DNAAF10: variants seen among roughly 807,000 people sequenced by gnomAD.
DNAAF10 encodes the protein WD repeat domain 92.
Under a neutral mutation model 43.7 loss-of-function variants are expected in DNAAF10, and 28 were observed. The observed-to-expected ratio is 0.64, with a 90% CI of 0.48 to 0.88. DNAAF10 has a LOEUF of 0.88. Ranked by LOEUF, DNAAF10 falls within the 40% of genes least tolerant of loss-of-function variation. DNAAF10 has a pLI of 0.00. For missense variants in DNAAF10, 403 were observed against 439.1 expected (o/e 0.92, Z 0.73); for synonymous variants, 156 against 157.3 (o/e 0.99, Z 0.06).
At chr2:68,141,839 G>T in intron 3 of DNAAF10, 44 bp from the exon 4 acceptor site, 1 of 1,490,626 alleles carries the variant, frequency 6.7e-7, no homozygotes, top group Middle Eastern at 1.7e-4. Flanking sequence ...AAAAGTAAAT[G>T]ATTATGTTTC....
chr2:68,147,368 G>T, intron 2 of DNAAF10, 99 bp downstream of exon 2: 1 of 873,634 alleles, frequency 1.1e-6, no homozygotes, highest in East Asian at 2.7e-5. Flanking sequence ...AACATAGAAA[G>T]ATTTTAAAAT....
intron 1 of DNAAF10, among the ~76,000 whole-genome samples, chr2:68,153,345 T>TAAAAAAAA (rs775794947): frequency 2.3e-4 from 23 of 98,704 alleles, no homozygotes; most frequent in Non-Finnish European, 3.1e-4. Flanking sequence ...AGTGATAAAT[T>TAAAAAAAA]AAAAAAAAAA....
Position 68,130,575 on chromosome 2 carries a change from T to C in DNAAF10, c.*663A>G, listed in dbSNP as rs1672908450. On this transcript the variant is annotated 3_prime_UTR_variant, in exon 8 of 8. Coordinates refer to ENST00000295121, the MANE Select transcript of DNAAF10 (RefSeq NM_138458.4). ...TGAAATGATTCCCACCACAACATTA[T>C]AGACACTAAAACATAACACAAGCAT... is the stretch of plus-strand genomic sequence containing the variant. 6.6e-6 allele frequency: 1 copy of C among 152,668 alleles called. No individual in the cohort carries two copies. Among genetic ancestry groups the C allele is most frequent in the South Asian group, 2.1e-4 (1 of 4,836 alleles). The allele number at this position is 152,668 out of a possible 1,614,324, so 9.5% of individuals were successfully genotyped here.
chr2:68,143,383 A>G (rs1673238039), intron 3 of DNAAF10, among the ~76,000 whole-genome samples: 1 of 152,068 alleles, frequency 6.6e-6, no homozygotes, highest in Non-Finnish European at 1.5e-5. Flanking sequence ...GGGTTTCGCT[A>G]TGTTGCCCAG....
Position 68,129,919 on chromosome 2 carries a change from T to C in DNAAF10, c.*1319A>G, listed in dbSNP as rs1473383803. The stretch of plus-strand genomic sequence containing the variant: ...TGCATTTTTAAAGTATGACCAAAAA[T>C]AAGACTACAAAACCCCTACAATCTT... On this transcript the variant is annotated 3_prime_UTR_variant, in exon 8 of 8. Coordinates refer to ENST00000295121, the MANE Select transcript of DNAAF10 (RefSeq NM_138458.4). 6.6e-6 allele frequency: 1 copy of C among 151,840 alleles called. No individual in the cohort carries two copies. The highest frequency in any genetic ancestry group is 1.5e-5 in the Non-Finnish European group (1 of 67,958). 9.4% of individuals were successfully genotyped at this position (151,840 alleles called of 1,614,324 possible).
At chr2:68,146,128 G>C (rs1444714074) in intron 2 of DNAAF10, among the ~76,000 whole-genome samples, 3 of 152,130 alleles carry the variant, frequency 2.0e-5, no homozygotes, top group Admixed American at 6.6e-5. Context: ...CAGGCGTGGT[G>C]GTGGGCACCT....
chr2:68,137,792 G>A lies in DNAAF10; in HGVS notation c.634-359C>T, dbSNP rs1215988624. Among the ~76,000 whole-genome samples the A allele has an allele frequency of 8.6e-5, 13 of 151,774 alleles. 1 individual carries two copies. In the South Asian group the frequency reaches 1.7e-3, roughly 19 times the overall value. On this transcript the variant is annotated intron_variant, in intron 5 of 7. Coordinates refer to ENST00000295121, the MANE Select transcript of DNAAF10 (RefSeq NM_138458.4). Reference sequence around the variant, plus strand: ...TGAGGCAGGAGAATTGCTTGAACCCGGGAGGCAGAGGTTGCAGTGAGCTAA... The same window carrying A: ...TGAGGCAGGAGAATTGCTTGAACCCAGGAGGCAGAGGTTGCAGTGAGCTAA...
chr2:68,137,097 ATTATAATC>A (rs1673061070), intron 6 of DNAAF10, among the ~76,000 whole-genome samples, 194 bp downstream of exon 6: 1 of 152,194 alleles, frequency 6.6e-6, no homozygotes, highest in Non-Finnish European at 1.5e-5. Context: ...TGAGATCTTT[ATTATAATC>A]AAGAAGTCTA....
intron 4 of DNAAF10, among the ~76,000 whole-genome samples, chr2:68,140,811 C>G (rs1673159112): frequency 6.6e-6 from 1 of 152,086 alleles, no homozygotes. Flanking sequence ...TATAGGCAAC[C>G]AACAATGGAT....
At position 68,157,453 on chromosome 2, in the gene DNAAF10, A is replaced by T. The variant is rs778553856; in HGVS notation, c.-10T>A. On this transcript the variant is annotated 5_prime_UTR_variant, in exon 1 of 8. Coordinates refer to ENST00000295121, the MANE Select transcript of DNAAF10 (RefSeq NM_138458.4). ...TCTCGAAGGCCGACATGGTGCAGCC[A>T]ATTTCAGCTACGGCAACCGCCACAC... 2 of 1,614,096 alleles carry T rather than the reference A, an allele frequency of 1.2e-6. No homozygotes were observed. The highest frequency in any genetic ancestry group is 2.2e-5 in the South Asian group (2 of 91,082).
Position 68,137,321 on chromosome 2 carries a change from C to A in DNAAF10, c.746G>T (p.Gly249Val). The A allele has an allele frequency of 6.2e-7, 1 of 1,611,272 alleles. No individual in the cohort carries two copies. The highest frequency in any genetic ancestry group is 8.5e-7 in the Non-Finnish European group (1 of 1,178,912). Residue 249 changes from glycine to valine, a missense_variant, in exon 6 of 8, where the codon GGT becomes GTT. Coordinates refer to ENST00000295121, the MANE Select transcript of DNAAF10 (RefSeq NM_138458.4). ...FDMRTQHPTKGFASVSEKAHK... is the reference protein window; with the variant it reads ...FDMRTQHPTKVFASVSEKAHK... ...TACCTTTTCTGAAACAGAGGCAAAACCTTTGGTTGGATGCTGTGTTCTCAT... is the reference window on the plus strand; with the variant it reads ...TACCTTTTCTGAAACAGAGGCAAAAACTTTGGTTGGATGCTGTGTTCTCAT...
chr2:68,149,846 T>C (rs759542969), intron 1 of DNAAF10, among the ~76,000 whole-genome samples: 22 of 152,212 alleles, frequency 1.4e-4, no homozygotes, highest in Non-Finnish European at 2.5e-4. Context: ...TTCCATGTTC[T>C]GAGGCAGAGG....
intron 2 of DNAAF10, among the ~76,000 whole-genome samples, chr2:68,145,108 G>GA (rs1347885573): frequency 6.6e-6 from 1 of 151,578 alleles, no homozygotes; most frequent in Non-Finnish European, 1.5e-5. Flanking sequence ...ACTGAAGTCT[G>GA]AAAAAATACT....
rs111255056 is a variant in DNAAF10 at position 68,153,622 on chromosome 2, A to C, written c.183+3639T>G. On this transcript the variant is annotated intron_variant, in intron 1 of 7. Transcript: ENST00000295121. ...CACAAATGTTTTAAAACACACACACACAAGCCACAAAATGCACTCAAATGA... is the reference window on the plus strand; with the variant it reads ...CACAAATGTTTTAAAACACACACACCCAAGCCACAAAATGCACTCAAATGA... Among the ~76,000 whole-genome samples, 551 of 152,144 alleles carry C rather than the reference A, an allele frequency of 3.6e-3. 2 individuals carry two copies. Among genetic ancestry groups the C allele is most frequent in the Non-Finnish European group, 6.1e-3 (413 of 68,004 alleles).
chr2:68,153,764 T>C (rs1463132228), intron 1 of DNAAF10, among the ~76,000 whole-genome samples: 2 of 146,614 alleles, frequency 1.4e-5, no homozygotes, highest in Non-Finnish European at 3.0e-5. Context: ...TTTTTTTTTT[T>C]TTTTTGGAGA....
At chr2:68,142,636 C>T (rs1199324946) in intron 3 of DNAAF10, among the ~76,000 whole-genome samples, 1 of 152,138 alleles carries the variant, frequency 6.6e-6, no homozygotes. Context: ...ATAAAATTAA[C>T]AAATTCTCAA....
chr2:68,136,994 T>C (rs2103885567), intron 6 of DNAAF10, among the ~76,000 whole-genome samples: 1 of 152,322 alleles, frequency 6.6e-6, no homozygotes, highest in African/African-American at 2.4e-5. Context: ...ATATACTTAT[T>C]AGGAAACACC....
At chr2:68,142,681 T>C (rs754451908) in intron 3 of DNAAF10, among the ~76,000 whole-genome samples, 1 of 152,028 alleles carries the variant, frequency 6.6e-6, no homozygotes, top group Non-Finnish European at 1.5e-5. Context: ...ATTCATGTTA[T>C]GGGACTACTT....
chr2:68,152,366 G>T (rs1279498524), intron 1 of DNAAF10, among the ~76,000 whole-genome samples: 2 of 152,192 alleles, frequency 1.3e-5, no homozygotes, highest in Non-Finnish European at 2.9e-5. Flanking sequence ...TCATTTGTGT[G>T]CACTGAGGAC....
Sources: gnomAD v4.1 joint callset for allele counts (sites outside exome capture counted in the v4.1 genomes callset) on GRCh38, gnomAD v4.1.1 for gene constraint, MANE v1.5 for transcripts, NCBI Gene and HGNC (gene_info 2026-07-23, HGNC 2026-07-21) for gene names.